STON1: variants seen among roughly 807,000 people sequenced by gnomAD.
The protein encoded by STON1 is stonin 1.
Under a neutral mutation model 60.9 loss-of-function variants are expected in STON1, and 79 were observed. The ratio of observed to expected loss-of-function variants is 1.30; its 90% confidence interval spans 1.08 to 1.56. The LOEUF (loss-of-function observed/expected upper bound fraction) is 1.56, where lower values mean the gene tolerates loss of function less well. STON1 is among the 40% of genes most tolerant of loss of function. The pLI, the probability that STON1 is intolerant of heterozygous loss-of-function variation, is 0.00. For missense variants in STON1, 1,166 were observed against 858.9 expected (o/e 1.36, Z -4.47); for synonymous variants, 363 against 306.9 (o/e 1.18, Z -1.91).
At position 48,544,671 on chromosome 2, in the gene STON1, G is replaced by A. The variant is rs999027801; in HGVS notation, c.-48+14455G>A. Among the ~76,000 whole-genome samples, 5 of 152,000 alleles carry A rather than the reference G, an allele frequency of 3.3e-5. No homozygotes were observed. In the East Asian group the frequency reaches 7.7e-4, roughly 23 times the overall value. Reference sequence around the variant, plus strand: ...AGCGATCCTCCTGCTTCAGCCTCCCGAGTAGCTGGGATTACAGGCACCCAC... The same window carrying A: ...AGCGATCCTCCTGCTTCAGCCTCCCAAGTAGCTGGGATTACAGGCACCCAC... On this transcript the variant is annotated intron_variant, in intron 1 of 3. Transcript: ENST00000404752.
At chr2:48,582,845 G>A (rs1000512020) in intron 2 of STON1, among the ~76,000 whole-genome samples, 4 of 152,152 alleles carry the variant, frequency 2.6e-5, no homozygotes, top group South Asian at 2.1e-4. Context: ...GAGAAAATTC[G>A]TTGATATCCA....
intron 1 of STON1, among the ~76,000 whole-genome samples, chr2:48,549,062 C>A (rs182931859): frequency 1.7e-4 from 26 of 152,296 alleles, no homozygotes; most frequent in Admixed American, 1.5e-3. Context: ...TCTTGGAGAT[C>A]ACAGTGCATT....
intron 1 of STON1, among the ~76,000 whole-genome samples, chr2:48,556,247 G>T: frequency 3.3e-5 from 1 of 30,526 alleles, no homozygotes; most frequent in South Asian, 1.9e-3. Flanking sequence ...CCCGGACGGG[G>T]CGGCTGGCCG....
intron 1 of STON1, among the ~76,000 whole-genome samples, chr2:48,546,651 A>T (rs750982539): frequency 2.0e-5 from 3 of 152,222 alleles, no homozygotes; most frequent in Non-Finnish European, 4.4e-5. Context: ...AAGGACTATG[A>T]TGTGTTTTTA....
At chr2:48,586,872 G>C (rs762276827) in intron 2 of STON1, among the ~76,000 whole-genome samples, 7 of 152,168 alleles carry the variant, frequency 4.6e-5, no homozygotes, top group Non-Finnish European at 1.0e-4. Flanking sequence ...AGAGGCAAGA[G>C]ATGGGTGAGC....
chr2:48,571,282 G>A (rs1673197513), intron 1 of STON1, among the ~76,000 whole-genome samples: 1 of 152,116 alleles, frequency 6.6e-6, no homozygotes, highest in African/African-American at 2.4e-5. Flanking sequence ...GAAAAGCCAG[G>A]GAATCAAAAT....
intron 1 of STON1, among the ~76,000 whole-genome samples, chr2:48,548,541 C>T (rs1671955729): frequency 1.3e-5 from 2 of 151,748 alleles, no homozygotes; most frequent in East Asian, 3.9e-4. Context: ...CTCTGTTGCC[C>T]AGGCTGGAGT....
rs1673953722 is a variant in STON1 at position 48,582,520 on chromosome 2, G to C, written c.1887G>C (p.Gln629His). Reference protein sequence around the residue: ...VGSAKYESAYQAVVWKIDRLP... With the variant: ...VGSAKYESAYHAVVWKIDRLP... ...CAGCAAAATATGAGAGTGCCTACCA[G>C]GCAGTGGTATGGAAGATAGATCGGC... is the stretch of plus-strand genomic sequence containing the variant. Residue 629 changes from glutamine to histidine, a missense_variant, in exon 2 of 4, where the codon CAG (glutamine) becomes CAC (histidine). Coordinates refer to ENST00000404752, the MANE Select transcript of STON1 (RefSeq NM_006873.4). 2 of 1,614,094 alleles carry C rather than the reference G, an allele frequency of 1.2e-6. No homozygotes were observed. The highest frequency in any genetic ancestry group is 1.7e-6 in the Non-Finnish European group (2 of 1,179,996).
chr2:48,537,719 A>G (rs1038541692), intron 1 of STON1, among the ~76,000 whole-genome samples: 1 of 151,740 alleles, frequency 6.6e-6, no homozygotes, highest in African/African-American at 2.4e-5. Flanking sequence ...GCGTGGTGAC[A>G]TGCACCTGTA....
At chr2:48,595,187 G>C in intron 3 of STON1, 41 bp from the exon 4 acceptor site, 2 of 1,504,292 alleles carry the variant, frequency 1.3e-6, no homozygotes, top group Non-Finnish European at 1.8e-6. Context: ...GTGCTGTGTT[G>C]CATTTGTTAA....
At position 48,595,281 on chromosome 2, in the gene STON1, T is replaced by C. The variant is rs1171117236; in HGVS notation, c.2187T>C (p.Ile729=). 3.1e-6 allele frequency: 5 copies of C among 1,613,830 alleles called. No homozygotes were observed. The Admixed American group carries it at 6.7e-5, about 22-fold the overall frequency. ...TCGATGGAGAAGACCCAGATAAAAT[T>C]GGTGACTGCATAACTCAGTAGGAGT... ...IKIDGEDPDK[I]GDCITQ is the part of the protein sequence containing the mutation. Residue 729 remains isoleucine, a synonymous_variant, in exon 4 of 4, where the codon ATT becomes ATC. Coordinates refer to ENST00000404752, the MANE Select transcript of STON1 (RefSeq NM_006873.4).
chr2:48,589,281 G>A (rs1461148078), intron 2 of STON1, among the ~76,000 whole-genome samples: 2 of 152,124 alleles, frequency 1.3e-5, no homozygotes, highest in African/African-American at 2.4e-5. Context: ...ATATCAACTA[G>A]ACCTAAGATT....
chr2:48,557,110 C>T (rs1185898810), intron 1 of STON1, among the ~76,000 whole-genome samples: 12 of 102,886 alleles, frequency 1.2e-4, no homozygotes, highest in Middle Eastern at 4.8e-3. Flanking sequence ...GGGTGGCTGC[C>T]GGGCGGAGAC....
intron 1 of STON1, among the ~76,000 whole-genome samples, chr2:48,577,244 A>T (rs1377314053): frequency 1.3e-5 from 2 of 151,536 alleles, no homozygotes; most frequent in Non-Finnish European, 2.9e-5. Flanking sequence ...AATCATTGCC[A>T]AGACCAATGT....
At chr2:48,538,060 T>A (rs1671502775) in intron 1 of STON1, among the ~76,000 whole-genome samples, 2 of 151,596 alleles carry the variant, frequency 1.3e-5, no homozygotes, top group Middle Eastern at 6.8e-3. Context: ...TTCAAGCAAT[T>A]CTCCTGCCTC....
chr2:48,576,791 C>T (rs570852818), intron 1 of STON1, among the ~76,000 whole-genome samples: 8 of 151,058 alleles, frequency 5.3e-5, no homozygotes, highest in Non-Finnish European at 1.2e-4. Context: ...CGCGGTGGCT[C>T]ACGCCTGTAA....
rs1674278544 is a variant in STON1 at position 48,587,503 on chromosome 2, G to T, written c.1931-4150G>T. ...AGATGGGGTTTCGCCATATTGGCCA[G>T]GCTGGTCTCAAACTCCTGACCTCGT... On this transcript the variant is annotated intron_variant, in intron 2 of 3. Transcript: ENST00000404752. 2.0e-5 allele frequency among the ~76,000 whole-genome samples: 3 copies of T among 152,142 alleles called. No homozygotes were observed. In the South Asian group the frequency reaches 6.2e-4, roughly 32 times the overall value.
intron 1 of STON1, among the ~76,000 whole-genome samples, chr2:48,547,883 A>G (rs562134416): frequency 1.3e-5 from 2 of 152,222 alleles, no homozygotes; most frequent in Non-Finnish European, 2.9e-5. Context: ...GCACAGGGTA[A>G]TTCCTCATCA....
In STON1 at chr2:48,535,952, G is replaced by C. The variant is rs991260799; in HGVS notation, c.-48+5736G>C. 3.3e-5 allele frequency among the ~76,000 whole-genome samples: 5 copies of C among 152,034 alleles called. No homozygotes were observed. The East Asian group carries it at 9.7e-4, about 29-fold the overall frequency. On this transcript the variant is annotated intron_variant, in intron 1 of 3. Coordinates refer to ENST00000404752, the MANE Select transcript of STON1 (RefSeq NM_006873.4). ...AAAATATAAAAATTAGCTGGGCATG[G>C]TGGTGTGCCCTGTGGTCCCAGCTAC...
Sources: allele counts gnomAD v4.1 joint callset (sites outside exome capture counted in the v4.1 genomes callset), GRCh38; gene constraint gnomAD v4.1.1; transcripts MANE v1.5; gene names NCBI Gene and HGNC (gene_info 2026-07-23, HGNC 2026-07-21).